The following DDAH1 variants were observed in gnomAD, a reference collection of about 807,000 sequenced individuals.
The protein encoded by DDAH1 is dimethylarginine dimethylaminohydrolase 1, also known as N(G),N(G)-dimethylarginine dimethylaminohydrolase 1.
Under a neutral mutation model 28.8 loss-of-function variants are expected in DDAH1, and 19 were observed. That is an observed-to-expected ratio of 0.66 (90% CI 0.46 to 0.97). The LOEUF is 0.97. DDAH1 is among the 50% of genes least tolerant of loss of function. The pLI, the probability that DDAH1 is intolerant of heterozygous loss-of-function variation, is 0.00. For synonymous variants in DDAH1, 153 were observed against 154.4 expected (o/e 0.99, Z 0.07); for missense variants, 326 against 375.9 (o/e 0.87, Z 1.10).
At chr1:85,530,051 C>G (rs1173733670) in intron 1 of DDAH1, among the ~76,000 whole-genome samples, 1 of 116,344 alleles carries the variant, frequency 8.6e-6, no homozygotes, top group African/African-American at 2.6e-5. Flanking sequence ...CCAGAAATAG[C>G]AGAGCTGGTG....
At chr1:85,428,488 C>G (rs1459713762) in intron 1 of DDAH1, among the ~76,000 whole-genome samples, 1 of 152,120 alleles carries the variant, frequency 6.6e-6, no homozygotes, top group Non-Finnish European at 1.5e-5. Flanking sequence ...AATTACCTCC[C>G]ACCTGGTCCC....
At chr1:85,341,649 C>T (rs1480348266) in intron 4 of DDAH1, among the ~76,000 whole-genome samples, 1 of 152,084 alleles carries the variant, frequency 6.6e-6, no homozygotes, top group Non-Finnish European at 1.5e-5. Context: ...CCCGTCTCTA[C>T]TAAAAATACA....
chr1:85,521,651 G>A, intron 1 of DDAH1: 8 of 984,692 alleles, frequency 8.1e-6, no homozygotes, highest in Non-Finnish European at 9.6e-6. Context: ...CCGTCGCTGA[G>A]TCACCAGCTG....
At chr1:85,560,990 G>A (rs1353577837) in intron 1 of DDAH1, among the ~76,000 whole-genome samples, 1 of 151,900 alleles carries the variant, frequency 6.6e-6, no homozygotes, top group African/African-American at 2.4e-5. Flanking sequence ...TCTATATTAT[G>A]TTATTCTACA....
intron 1 of DDAH1, chr1:85,404,347 C>G: frequency 1.4e-5 from 22 of 1,532,640 alleles, no homozygotes; most frequent in Non-Finnish European, 1.9e-5. Context: ...AGACCACATT[C>G]TAGAAGGTAC....
At chr1:85,361,376 C>T (rs1489700984) in intron 1 of DDAH1, among the ~76,000 whole-genome samples, 1 of 152,050 alleles carries the variant, frequency 6.6e-6, no homozygotes, top group African/African-American at 2.4e-5. Context: ...TTATTAACTT[C>T]CAAGAGGAAA....
intron 1 of DDAH1, among the ~76,000 whole-genome samples, chr1:85,560,488 T>C (rs1485360937): frequency 2.0e-5 from 3 of 152,164 alleles, no homozygotes; most frequent in Admixed American, 6.5e-5. Context: ...TTGTAACATA[T>C]ATAGAAGTAC....
At chr1:85,357,421 CACT>C (rs1649547298) in intron 2 of DDAH1, among the ~76,000 whole-genome samples, 1 of 152,214 alleles carries the variant, frequency 6.6e-6, no homozygotes, top group South Asian at 2.1e-4. Flanking sequence ...CAGTATGTGA[CACT>C]TAGCAAAGAA....
At chr1:85,354,888 A>C (rs1649411866) in intron 2 of DDAH1, among the ~76,000 whole-genome samples, 1 of 152,086 alleles carries the variant, frequency 6.6e-6, no homozygotes, top group South Asian at 2.1e-4. Context: ...AGATGTAGAA[A>C]AAAAGAGAAC....
At chr1:85,454,721 T>C (rs1654811039) in intron 1 of DDAH1, among the ~76,000 whole-genome samples, 1 of 152,174 alleles carries the variant, frequency 6.6e-6, no homozygotes, top group African/African-American at 2.4e-5. Context: ...ACAATAAAAA[T>C]GAAAGATCTG....
chr1:85,392,772 AC>A lies in DDAH1; in HGVS notation c.304-33926del, dbSNP rs1438842912. On this transcript the variant is annotated intron_variant, in intron 1 of 5. Coordinates refer to ENST00000284031, the MANE Select transcript of DDAH1 (RefSeq NM_012137.4). ...CGCGCCACTGCACTCCAGCCTGGCA[AC>A]AGAGCAAGACTCTGTCTAAAAAAAA... Among the ~76,000 whole-genome samples, 4 of 147,996 alleles carry A rather than the reference AC, an allele frequency of 2.7e-5. No individual in the cohort carries two copies. The South Asian group carries it at 6.7e-4, about 25-fold the overall frequency.
Position 85,537,023 on chromosome 1 carries a change from T to C in DDAH1, c.-122-40742A>G, listed in dbSNP as rs72726311. On this transcript the variant is annotated intron_variant, in intron 1 of 6. Transcript: ENST00000426972. ...CACACAGTGTGTATGTATATATATA[T>C]ACACAGTGGAATACTATTCAGTCAC... 2.3e-4 allele frequency among the ~76,000 whole-genome samples: 34 copies of C among 149,194 alleles called. No individual in the cohort carries two copies. In the South Asian group the frequency reaches 3.6e-3, roughly 16 times the overall value.
intron 1 of DDAH1, among the ~76,000 whole-genome samples, chr1:85,528,647 T>C (rs1436957813): frequency 2.0e-5 from 3 of 152,166 alleles, no homozygotes; most frequent in Non-Finnish European, 4.4e-5. Context: ...AAAATTAAGC[T>C]ACTTCCTTCC....
intron 2 of DDAH1, among the ~76,000 whole-genome samples, chr1:85,491,448 G>T (rs964471987): frequency 1.3e-5 from 2 of 152,174 alleles, no homozygotes; most frequent in African/African-American, 2.4e-5. Flanking sequence ...TGGTAGAACT[G>T]CTGTTAGGAT....
At chr1:85,512,933 ATTT>A (rs1181916468) in intron 1 of DDAH1, among the ~76,000 whole-genome samples, 5 of 152,188 alleles carry the variant, frequency 3.3e-5, no homozygotes, top group Non-Finnish European at 7.4e-5. Context: ...GCCTAAGGTA[ATTT>A]ACAGATTCAA....
chr1:85,397,173 T>C (rs1317901849), intron 1 of DDAH1, among the ~76,000 whole-genome samples: 4 of 152,234 alleles, frequency 2.6e-5, no homozygotes, highest in African/African-American at 9.6e-5. Context: ...TAGACTCTCA[T>C]CAGGTTTTCA....
upstream of DDAH1, chr1:85,467,423 A>G (rs1480082483): frequency 6.6e-6 from 1 of 152,246 alleles, no homozygotes; most frequent in Non-Finnish European, 1.5e-5. Context: ...ATGTCTTTCC[A>G]TACTGAAATT....
intron 1 of DDAH1, among the ~76,000 whole-genome samples, chr1:85,557,066 G>T (rs533943847): frequency 6.6e-6 from 1 of 152,100 alleles, no homozygotes; most frequent in Admixed American, 6.5e-5. Context: ...GCAGTGAGCC[G>T]AGATCATACC....
At chr1:85,519,989 T>C (rs1486719759) in intron 1 of DDAH1, among the ~76,000 whole-genome samples, 1 of 151,968 alleles carries the variant, frequency 6.6e-6, no homozygotes, top group Non-Finnish European at 1.5e-5. Flanking sequence ...TATTTATTTA[T>C]TTATTTATTG....
Sources: allele counts gnomAD v4.1 joint callset (sites outside exome capture counted in the v4.1 genomes callset), GRCh38; gene constraint gnomAD v4.1.1; transcripts MANE v1.5; gene names NCBI Gene and HGNC (gene_info 2026-07-23, HGNC 2026-07-21).